KHDRBS3: variants seen among roughly 807,000 people sequenced by gnomAD.
KHDRBS3 encodes the protein KH domain-containing, RNA-binding, signal transduction-associated protein 3.
Under a neutral mutation model 45.6 loss-of-function variants are expected in KHDRBS3, and 23 were observed. That is an observed-to-expected ratio of 0.50 (90% confidence interval 0.36 to 0.72). KHDRBS3 has a LOEUF of 0.72. Among genes scored for constraint, KHDRBS3 ranks in the 30% least tolerant of loss-of-function variants. The pLI is 0.00. For synonymous variants in KHDRBS3, 162 were observed against 156.5 expected, an observed-to-expected ratio of 1.04 and a Z score of -0.26; for missense variants, 352 against 424.8, an observed-to-expected ratio of 0.83 and a Z score of 1.51.
chr8:135,529,687 T>C (rs4909487), intron 2 of KHDRBS3, among the ~76,000 whole-genome samples: 121,806 of 152,014 alleles, frequency 0.8, 49,331 homozygotes, highest in East Asian at 0.96. Context: ...TATATAGGCC[T>C]CCTAAAATTT....
At chr8:135,482,326 A>G (rs1401647234) in intron 1 of KHDRBS3, among the ~76,000 whole-genome samples, 2 of 152,164 alleles carry the variant, frequency 1.3e-5, no homozygotes, top group South Asian at 2.1e-4. Flanking sequence ...TGCATTTGAT[A>G]AAACCTGGAG....
intron 1 of KHDRBS3, among the ~76,000 whole-genome samples, chr8:135,473,293 A>G (rs1563702750): frequency 6.6e-6 from 1 of 152,128 alleles, no homozygotes; most frequent in Non-Finnish European, 1.5e-5. Context: ...GACTTGGTTC[A>G]CACTTTCCAT....
intron 6 of KHDRBS3, among the ~76,000 whole-genome samples, chr8:135,585,228 C>CAAAAA (rs35301059): frequency 1.0e-5 from 1 of 96,136 alleles, no homozygotes; most frequent in African/African-American, 4.3e-5. Context: ...GACTCCGTCT[C>CAAAAA]AAAAAAAAAA....
chr8:135,496,847 A>T (rs890839898), intron 1 of KHDRBS3, among the ~76,000 whole-genome samples: 1 of 152,244 alleles, frequency 6.6e-6, no homozygotes, highest in South Asian at 2.1e-4. Context: ...TTCTTGGCCA[A>T]CTAGCTTGCC....
At chr8:135,610,822 T>A (rs913475650) in intron 7 of KHDRBS3, among the ~76,000 whole-genome samples, 10 of 151,714 alleles carry the variant, frequency 6.6e-5, no homozygotes, top group African/African-American at 2.4e-4. Flanking sequence ...TGTGTAGGGC[T>A]GAAATATGTG....
At chr8:135,478,719 A>G (rs1240626297) in intron 1 of KHDRBS3, among the ~76,000 whole-genome samples, 1 of 152,238 alleles carries the variant, frequency 6.6e-6, no homozygotes, top group African/African-American at 2.4e-5. Context: ...CAAACTCCAA[A>G]ATAACCAGTG....
chr8:135,480,697 G>T (rs932207595), intron 1 of KHDRBS3, among the ~76,000 whole-genome samples: 1 of 152,150 alleles, frequency 6.6e-6, no homozygotes, highest in Non-Finnish European at 1.5e-5. Flanking sequence ...CAATCAATTT[G>T]AGATAACTAT....
chr8:135,638,055 C>T (rs1830891811), intron 7 of KHDRBS3, among the ~76,000 whole-genome samples: 1 of 151,948 alleles, frequency 6.6e-6, no homozygotes, highest in South Asian at 2.1e-4. Flanking sequence ...AAAACAAAAC[C>T]ACACAAAACC....
intron 7 of KHDRBS3, among the ~76,000 whole-genome samples, chr8:135,636,584 G>A (rs1830822910): frequency 6.6e-6 from 1 of 152,192 alleles, no homozygotes; most frequent in African/African-American, 2.4e-5. Flanking sequence ...TGAAAACTAA[G>A]ATGCAGTAAC....
intron 1 of KHDRBS3, among the ~76,000 whole-genome samples, chr8:135,490,609 T>C (rs374643733): frequency 1.5e-4 from 23 of 152,340 alleles, no homozygotes; most frequent in South Asian, 6.2e-4. Context: ...ATAATAGTAA[T>C]AAATGAAAAT....
At chr8:135,561,041 G>A (rs888331834) in intron 5 of KHDRBS3, among the ~76,000 whole-genome samples, 2 of 152,060 alleles carry the variant, frequency 1.3e-5, no homozygotes, top group African/African-American at 2.4e-5. Context: ...GGAATTCAAA[G>A]CCTTCTTGGT....
At chr8:135,501,387 A>G (rs897895003) in intron 1 of KHDRBS3, among the ~76,000 whole-genome samples, 34 of 152,224 alleles carry the variant, frequency 2.2e-4, no homozygotes, top group Admixed American at 2.2e-3. Flanking sequence ...CATGTTTTAG[A>G]CAAAGTTTTT....
intron 1 of KHDRBS3, among the ~76,000 whole-genome samples, chr8:135,471,929 C>G (rs1822037392): frequency 6.6e-6 from 1 of 152,178 alleles, no homozygotes; most frequent in African/African-American, 2.4e-5. Context: ...ATCCAGCTGC[C>G]TTACAAGCAG....
chr8:135,585,059 CAA>C (rs71298252), intron 6 of KHDRBS3, among the ~76,000 whole-genome samples: 1 of 145,394 alleles, frequency 6.9e-6, no homozygotes. Context: ...TCATCTCTAC[CAA>C]AAAAAAAAAA....
chr8:135,529,032 T>A (rs1310640388), intron 2 of KHDRBS3, among the ~76,000 whole-genome samples: 3 of 152,184 alleles, frequency 2.0e-5, no homozygotes, highest in Non-Finnish European at 4.4e-5. Context: ...AAATAATCAC[T>A]TAAGGATACA....
In KHDRBS3 at chr8:135,592,167, G is replaced by A. The variant is rs185345571; in HGVS notation, c.807+10094G>A. Among the ~76,000 whole-genome samples the A allele has an allele frequency of 9.2e-5, 14 of 152,134 alleles. No homozygotes were observed. In the East Asian group the frequency reaches 2.7e-3, roughly 29 times the overall value. ...AATCTTTTGCCTAAATTGCTTGAAAGGTTGACTTATTTTAGGAATGTAAGA... is the reference window on the plus strand; with the variant it reads ...AATCTTTTGCCTAAATTGCTTGAAAAGTTGACTTATTTTAGGAATGTAAGA... On this transcript the variant is annotated intron_variant, in intron 6 of 8. Coordinates refer to ENST00000355849, the MANE Select transcript of KHDRBS3 (RefSeq NM_006558.3).
intron 1 of KHDRBS3, among the ~76,000 whole-genome samples, chr8:135,506,404 C>CTTT (rs35050617): frequency 2.9e-5 from 4 of 139,794 alleles, no homozygotes; most frequent in East Asian, 2.1e-4. Context: ...TAACATTCCT[C>CTTT]TTTTTTTTTT....
At chr8:135,589,326 A>G (rs1295154521) in intron 6 of KHDRBS3, among the ~76,000 whole-genome samples, 2 of 152,086 alleles carry the variant, frequency 1.3e-5, no homozygotes, top group African/African-American at 4.8e-5. Flanking sequence ...TCCCCCCATA[A>G]GGAAGAGAGC....
intron 1 of KHDRBS3, among the ~76,000 whole-genome samples, chr8:135,490,037 G>C (rs112806504): frequency 1.2e-4 from 19 of 152,104 alleles, no homozygotes; most frequent in African/African-American, 3.9e-4. Flanking sequence ...CAGTTGTCTA[G>C]AGCATTCGGT....
Sources: allele counts gnomAD v4.1 joint callset (sites outside exome capture counted in the v4.1 genomes callset), GRCh38; gene constraint gnomAD v4.1.1; transcripts MANE v1.5; gene names NCBI Gene and HGNC (gene_info 2026-07-23, HGNC 2026-07-21).